SHANK2: variants seen among roughly 807,000 people sequenced by gnomAD.
SHANK2 encodes SH3 and multiple ankyrin repeat domains protein 2.
A neutral mutation model predicts 133.7 loss-of-function variants in SHANK2; 43 were observed. The ratio of observed to expected loss-of-function variants is 0.32; its 90% CI spans 0.25 to 0.41. SHANK2 has a LOEUF of 0.41. Among genes scored for constraint, SHANK2 ranks in the 10% least tolerant of loss-of-function variants. The pLI, the probability that SHANK2 is intolerant of heterozygous loss-of-function variation, is 1.00. For missense variants in SHANK2, 1,994 were observed against 2,235.8 expected, an observed-to-expected ratio of 0.89 and a Z score of 2.18; for synonymous variants, 1,017 against 952.8, an observed-to-expected ratio of 1.07 and a Z score of -1.24.
chr11:70,687,733 C>T (rs567142451), intron 15 of SHANK2, among the ~76,000 whole-genome samples: 2 of 152,336 alleles, frequency 1.3e-5, no homozygotes, highest in Admixed American at 1.3e-4. Flanking sequence ...CAGAAGATTC[C>T]TGCGCAGCTA....
At position 70,927,486 on chromosome 11, in the gene SHANK2, A is replaced by G. The variant is rs111770460; in HGVS notation, c.1108-30919T>C. Among the ~76,000 whole-genome samples the G allele has an allele frequency of 5.0e-3, 758 of 152,008 alleles. 5 individuals are homozygous for G. Among genetic ancestry groups the G allele is most frequent in the African/African-American group, 0.018 (737 of 41,456 alleles). Reference sequence around the variant, plus strand: ...GGGACTGATGGGGCCCGACATGGGGAGAGGGCAGGCGAGTCAACACAAGGA... The same window carrying G: ...GGGACTGATGGGGCCCGACATGGGGGGAGGGCAGGCGAGTCAACACAAGGA... On this transcript the variant is annotated intron_variant, in intron 10 of 25. Coordinates refer to ENST00000601538, the MANE Select transcript of SHANK2 (RefSeq NM_012309.5).
chr11:70,942,878 T>TA (rs1190736477), intron 10 of SHANK2: 3 of 456,606 alleles, frequency 6.6e-6, no homozygotes, highest in East Asian at 1.4e-4. Flanking sequence ...CCTGTTCACT[T>TA]ACATTTGTTA....
At chr11:70,604,600 C>A (rs1192965492) in intron 17 of SHANK2, 1 of 152,244 alleles carries the variant, frequency 6.6e-6, no homozygotes, top group Admixed American at 6.5e-5. Context: ...ACAATGAGGA[C>A]CGCACTGAAA....
chr11:70,643,967 A>G (rs1040950266), intron 17 of SHANK2, among the ~76,000 whole-genome samples: 8 of 152,034 alleles, frequency 5.3e-5, no homozygotes, highest in African/African-American at 1.9e-4. Context: ...TCGGGGGCTG[A>G]GCTGGAGCTC....
chr11:70,693,826 G>A (rs947365760), intron 15 of SHANK2, among the ~76,000 whole-genome samples: 13 of 152,306 alleles, frequency 8.5e-5, no homozygotes, highest in African/African-American at 3.1e-4. Flanking sequence ...ATGGATGGAT[G>A]AAGAGATACA....
chr11:70,780,464 C>G (rs571988444), intron 14 of SHANK2, among the ~76,000 whole-genome samples: 6 of 152,256 alleles, frequency 3.9e-5, no homozygotes, highest in African/African-American at 1.4e-4. Flanking sequence ...AACTCCAAGT[C>G]ATCTGAGGGG....
chr11:70,599,887 GAA>G (rs59024354), intron 17 of SHANK2, among the ~76,000 whole-genome samples: 3,015 of 40,616 alleles, frequency 0.074, 169 homozygotes, highest in African/African-American at 0.21. Flanking sequence ...AAGAAAGAAA[GAA>G]AAAGAAAGAA....
intron 17 of SHANK2, among the ~76,000 whole-genome samples, chr11:70,540,386 T>C (rs1445918347): frequency 6.6e-6 from 1 of 151,686 alleles, no homozygotes; most frequent in Admixed American, 6.6e-5. Context: ...CCCTCCCTCC[T>C]GTGGAGTCGA....
rs376134072 is a variant in SHANK2, at chr11:70,890,729, G to T, written c.1174+5772C>A. On this transcript the variant is annotated intron_variant, in intron 11 of 25. Coordinates refer to ENST00000601538, the MANE Select transcript of SHANK2 (RefSeq NM_012309.5). ...CAGGAGAATCGCTTGAACCCAGGAGGCAGAGGCTGCAGTGAGCCAAGATCG... is the reference window on the plus strand; with the variant it reads ...CAGGAGAATCGCTTGAACCCAGGAGTCAGAGGCTGCAGTGAGCCAAGATCG... Among the ~76,000 whole-genome samples the T allele has an allele frequency of 4.8e-3, 720 of 150,952 alleles. 6 individuals are homozygous for T. The highest frequency in any genetic ancestry group is 0.017 in the African/African-American group (685 of 41,008).
intron 10 of SHANK2, among the ~76,000 whole-genome samples, chr11:70,928,428 G>T (rs1246635165): frequency 6.6e-6 from 1 of 152,192 alleles, no homozygotes; most frequent in Non-Finnish European, 1.5e-5. Flanking sequence ...ACAGTCCTAA[G>T]ATGCATTTTT....
At chr11:71,086,422 A>T (rs1182237181) in intron 8 of SHANK2, among the ~76,000 whole-genome samples, 1 of 131,040 alleles carries the variant, frequency 7.6e-6, no homozygotes, top group Non-Finnish European at 1.6e-5. Flanking sequence ...TATATAATAC[A>T]TATTATATAT....
At chr11:70,896,823 C>T (rs1041452069) in intron 10 of SHANK2, among the ~76,000 whole-genome samples, 1 of 152,172 alleles carries the variant, frequency 6.6e-6, no homozygotes, top group East Asian at 1.9e-4. Context: ...GTCCAGAAGG[C>T]ATGTGGGGCA....
chr11:70,620,562 TG>T (rs1453924337), intron 17 of SHANK2, among the ~76,000 whole-genome samples: 1 of 145,372 alleles, frequency 6.9e-6, no homozygotes. Context: ...CACAACTATC[TG>T]GGTTGTTGCA....
intron 6 of SHANK2, among the ~76,000 whole-genome samples, chr11:71,108,680 C>T (rs1291532345): frequency 6.6e-6 from 1 of 152,214 alleles, no homozygotes; most frequent in African/African-American, 2.4e-5. Flanking sequence ...GGGCCTGGGG[C>T]TGCTCAGCTG....
At chr11:70,689,017 T>C (rs1945216719) in intron 15 of SHANK2, among the ~76,000 whole-genome samples, 1 of 152,184 alleles carries the variant, frequency 6.6e-6, no homozygotes, top group African/African-American at 2.4e-5. Context: ...TAAGCCTCTC[T>C]TTTTGGTGTT....
chr11:70,665,050 C>T (rs1360382690), intron 15 of SHANK2, among the ~76,000 whole-genome samples: 1 of 152,242 alleles, frequency 6.6e-6, no homozygotes, highest in African/African-American at 2.4e-5. Context: ...GCCACCCTCT[C>T]TTCCCCGGAC....
chr11:70,661,543 ACACACAC>A lies in SHANK2; in HGVS notation c.1936+46_1936+52del, dbSNP rs1565223391. The A allele has an allele frequency of 4.1e-5, 37 of 899,342 alleles. No homozygotes were observed. The African/African-American group carries it at 5.7e-4, about 14-fold the overall frequency. The allele number at this position is 899,342 out of a possible 1,614,324, so 55.7% of individuals were successfully genotyped here. A position where few individuals can be genotyped will look rare whatever the true frequency, so the allele number is the denominator to read the frequency against. On this transcript the variant is annotated intron_variant, in intron 16 of 25. Transcript: ENST00000601538. ...CACACACACACACACACACACACAC[ACACACAC>A]ACACAAACATGGGAACATATTCAGG...
intron 14 of SHANK2, among the ~76,000 whole-genome samples, chr11:70,745,521 C>T (rs776312926): frequency 5.3e-5 from 8 of 152,242 alleles, no homozygotes; most frequent in Non-Finnish European, 1.0e-4. Flanking sequence ...TCTGTCCCGC[C>T]CCTATGAGTG....
intron 14 of SHANK2, among the ~76,000 whole-genome samples, chr11:70,742,962 G>A (rs1946560937): frequency 6.6e-6 from 1 of 152,258 alleles, no homozygotes; most frequent in African/African-American, 2.4e-5. Context: ...GTCCTTGGAT[G>A]TCTGGCATCT....
Sources: allele counts gnomAD v4.1 joint callset (sites outside exome capture counted in the v4.1 genomes callset), GRCh38; gene constraint gnomAD v4.1.1; transcripts MANE v1.5; gene names NCBI Gene and HGNC (gene_info 2026-07-23, HGNC 2026-07-21).